ZNF280C: variants seen among roughly 807,000 people sequenced by gnomAD.
ZNF280C encodes suppressor of hairy wing homolog 3.
In ZNF280C, 14 loss-of-function variants were observed where a neutral mutation model predicts 53.6. The observed-to-expected ratio is 0.26, with a 90% confidence interval of 0.17 to 0.41. ZNF280C has a LOEUF of 0.41. Among genes scored for constraint, ZNF280C ranks in the 10% least tolerant of loss-of-function variants. The pLI is 1.00. For missense variants in ZNF280C, 416 were observed against 547.1 expected (o/e 0.76, Z 2.39); for synonymous variants, 203 against 181.1 (o/e 1.12, Z -0.97).
intron 5 of ZNF280C, among the ~76,000 whole-genome samples, chrX:130,241,414 G>C (rs948282025): frequency 8.9e-6 from 1 of 111,951 alleles, no homozygotes; most frequent in African/African-American, 3.2e-5. Flanking sequence ...AGAGACTTAG[G>C]GAACCGTAAG....
chrX:130,230,533 C>T lies in ZNF280C; in HGVS notation c.966G>A (p.Ser322=), dbSNP rs368480585. 15 of 1,198,241 alleles carry T rather than the reference C, an allele frequency of 1.3e-5. No homozygotes were observed. Among genetic ancestry groups the T allele is most frequent in the Non-Finnish European group, 1.6e-5 (14 of 888,762 alleles). ...ACCTAATATTATTTTTAAGAACTTT[C>T]GAGCAACTGAAGCATTTAAAGGTTG... is the stretch of plus-strand genomic sequence containing the variant. ...TYTTFKCFSC[S]KVLKNNIRFM... is the part of the protein sequence containing the mutation. Residue 322 remains serine (S), a synonymous_variant, in exon 9 of 19, where the codon TCG becomes TCA. Transcript: ENST00000370978.
At chrX:130,259,339 G>C (rs2032605927) in intron 2 of ZNF280C, among the ~76,000 whole-genome samples, 1 of 112,156 alleles carries the variant, frequency 8.9e-6, no homozygotes, top group South Asian at 3.7e-4. Flanking sequence ...CAGATTTAAA[G>C]AAACAAGGGA....
chrX:130,255,286 G>A (rs1280754933), intron 2 of ZNF280C, among the ~76,000 whole-genome samples: 2 of 101,916 alleles, frequency 2.0e-5, no homozygotes, highest in African/African-American at 3.6e-5. Flanking sequence ...GACTACAGGC[G>A]CCCGCCACTA....
chrX:130,247,343 A>G (rs1315943109), intron 2 of ZNF280C, among the ~76,000 whole-genome samples: 4 of 110,964 alleles, frequency 3.6e-5, no homozygotes, highest in African/African-American at 1.3e-4. Flanking sequence ...CCTGACCTCA[A>G]GTGATCCGCC....
intron 15 of ZNF280C, among the ~76,000 whole-genome samples, chrX:130,213,329 T>G (rs1223748720): frequency 8.9e-6 from 1 of 112,149 alleles, no homozygotes; most frequent in Non-Finnish European, 1.9e-5. Flanking sequence ...GCCGAGATCA[T>G]GCCACTGCAC....
Position 130,236,533 on chromosome X carries a change from G to C in ZNF280C, c.600C>G (p.Pro200=). The change falls in exon 7 of 19, where the codon CCC becomes CCG. Residue 200 remains proline (P), a synonymous_variant. Transcript: ENST00000370978. ...AGCCAATTAAAGGCAATGAAGTGGAGGGATTTATCTGAGGAACATCTTCAC... is the reference window on the plus strand; with the variant it reads ...AGCCAATTAAAGGCAATGAAGTGGACGGATTTATCTGAGGAACATCTTCAC... The part of the protein sequence containing the change: ...KTSEDVPQIN[P]STSLPLIGSP... 1 of 1,207,121 alleles carries C rather than the reference G, an allele frequency of 8.3e-7. No homozygotes were observed. The highest frequency in any genetic ancestry group is 1.1e-6 in the Non-Finnish European group (1 of 892,624).
At chrX:130,209,991 C>T (rs1360038589) in intron 15 of ZNF280C, among the ~76,000 whole-genome samples, 1 of 111,031 alleles carries the variant, frequency 9.0e-6, no homozygotes, top group Non-Finnish European at 1.9e-5. Context: ...GAGATTAGTG[C>T]ACTTATAAAA....
intron 1 of ZNF280C, among the ~76,000 whole-genome samples, chrX:130,264,024 C>CAAAAA (rs538734296): frequency 1.7e-4 from 4 of 24,061 alleles, no homozygotes; most frequent in Non-Finnish European, 3.4e-4. Context: ...GACACCATCT[C>CAAAAA]AAAAAAAAAA....
chrX:130,242,706 AT>A (rs757316410), intron 5 of ZNF280C, among the ~76,000 whole-genome samples: 12 of 110,146 alleles, frequency 1.1e-4, no homozygotes, highest in African/African-American at 3.3e-4. Context: ...CGCCTGGCTA[AT>A]TTTTTTTTAT....
At chrX:130,247,629 T>C (rs2032464115) in intron 2 of ZNF280C, among the ~76,000 whole-genome samples, 1 of 111,946 alleles carries the variant, frequency 8.9e-6, no homozygotes, top group Non-Finnish European at 1.9e-5. Flanking sequence ...GGCCAATACA[T>C]TTTAGGATCA....
chrX:130,240,677 G>A (rs977075286), intron 5 of ZNF280C, among the ~76,000 whole-genome samples: 36 of 112,012 alleles, frequency 3.2e-4, no homozygotes, highest in Non-Finnish European at 5.8e-4. Context: ...CCACAATTTC[G>A]GAAAGCAGAC....
In ZNF280C at chrX:130,225,455, T is replaced by C. The variant is rs771701599; in HGVS notation, c.1395+1304A>G. Among the ~76,000 whole-genome samples the C allele has an allele frequency of 3.6e-5, 4 of 111,422 alleles. No homozygotes were observed. The South Asian group carries it at 1.5e-3, about 43-fold the overall frequency. ...ATGTCCCTTGCTTAGAGATTTACAGTATTAGCATATTAAAAGCTCTGAAAA... is the reference window on the plus strand; with the variant it reads ...ATGTCCCTTGCTTAGAGATTTACAGCATTAGCATATTAAAAGCTCTGAAAA... On this transcript the variant is annotated intron_variant, in intron 12 of 18. Transcript: ENST00000370978.
chrX:130,251,591 A>G lies in ZNF280C; in HGVS notation c.32-4586T>C, dbSNP rs142877817. ...AACCTGACAAGTTTCACAGTGTAAC[A>G]AAAGTGAATTAAGAGGCCATGGGGC... On this transcript the variant is annotated intron_variant, in intron 2 of 18. Transcript: ENST00000370978. 9.0e-5 allele frequency among the ~76,000 whole-genome samples: 10 copies of G among 111,224 alleles called. No homozygotes were observed. In the East Asian group the frequency reaches 2.5e-3, roughly 28 times the overall value.
At chrX:130,257,179 C>T (rs1429686210) in intron 2 of ZNF280C, among the ~76,000 whole-genome samples, 2 of 67,069 alleles carry the variant, frequency 3.0e-5, no homozygotes, top group Admixed American at 2.4e-4. Context: ...CCAGCCTGGG[C>T]AAGAGCGAGA....
At chrX:130,228,927 G>A (rs199828164) in intron 10 of ZNF280C, 50 bp downstream of exon 10, 17 of 1,054,587 alleles carry the variant, frequency 1.6e-5, no homozygotes, top group African/African-American at 1.1e-4. Context: ...CTCACAGTTC[G>A]GATGATCAAA....
At chrX:130,256,054 C>T (rs1242270112) in intron 2 of ZNF280C, among the ~76,000 whole-genome samples, 4 of 111,383 alleles carry the variant, frequency 3.6e-5, no homozygotes, top group East Asian at 2.8e-4. Context: ...ATCACCTGAG[C>T]TCCAGGAGGT....
chrX:130,230,258 G>C (rs750130488), intron 9 of ZNF280C, among the ~76,000 whole-genome samples: 1 of 111,427 alleles, frequency 9.0e-6, no homozygotes, highest in African/African-American at 3.2e-5. Flanking sequence ...AAAATAAGTA[G>C]TTTTCCCCTA....
chrX:130,208,265 G>A (rs2032000393), intron 16 of ZNF280C, among the ~76,000 whole-genome samples: 1 of 111,279 alleles, frequency 9.0e-6, no homozygotes, highest in African/African-American at 3.3e-5. Flanking sequence ...GAGTAGCTGG[G>A]ATGACAGGCA....
intron 5 of ZNF280C, among the ~76,000 whole-genome samples, chrX:130,242,007 G>GGGA (rs2032396866): frequency 1.1e-5 from 1 of 92,616 alleles, no homozygotes; most frequent in Non-Finnish European, 2.1e-5. Context: ...AGCCGGGGGG[G>GGGA]GGCGGGTGGC....
Sources: gnomAD v4.1 joint callset for allele counts (sites outside exome capture counted in the v4.1 genomes callset) on GRCh38, gnomAD v4.1.1 for gene constraint, MANE v1.5 for transcripts, NCBI Gene and HGNC (gene_info 2026-07-23, HGNC 2026-07-21) for gene names.